PIAS4: variants seen among roughly 807,000 people sequenced by gnomAD.
PIAS4 encodes the protein E3 SUMO-protein ligase PIAS4.
Under a neutral mutation model 58.0 loss-of-function variants are expected in PIAS4, and 7 were observed. The observed-to-expected ratio is 0.12, with a 90% CI of 0.07 to 0.23. PIAS4 has a LOEUF of 0.23. PIAS4 is among the 10% of genes least tolerant of loss of function. The probability of loss-of-function intolerance (pLI) is 1.00; values close to 1 mark genes in which losing one functional copy is unlikely to be tolerated. For missense variants in PIAS4, 550 were observed against 709.5 expected (o/e 0.78, Z 2.55); for synonymous variants, 364 against 312.4 (o/e 1.17, Z -1.74).
intron 8 of PIAS4, 58 bp downstream of exon 8, chr19:4,033,231 G>A: frequency 6.5e-7 from 1 of 1,538,398 alleles, no homozygotes; most frequent in South Asian, 1.1e-5. Flanking sequence ...CTTCCCCCCT[G>A]GCGGCCCTGG....
chr19:4,036,682 CACATCCATATAGTCCACACCATCAT>C (rs2040296023), intron 9 of PIAS4, among the ~76,000 whole-genome samples: 1 of 150,846 alleles, frequency 6.6e-6, no homozygotes. Context: ...CACACCGTCA[CACATCCATATAGTCCACACCATCAT>C]ACACACACAC....
At chr19:4,016,922 G>A (rs865797437) in intron 2 of PIAS4, among the ~76,000 whole-genome samples, 3 of 152,156 alleles carry the variant, frequency 2.0e-5, no homozygotes, top group African/African-American at 7.2e-5. Flanking sequence ...TGCTTGCCCC[G>A]AGGGCTTCAG....
chr19:4,034,439 C>T (rs1387107808), intron 9 of PIAS4, among the ~76,000 whole-genome samples: 4 of 152,332 alleles, frequency 2.6e-5, no homozygotes, highest in Admixed American at 6.5e-5. Flanking sequence ...AGTTTACAGA[C>T]GAGGAAACAG....
intron 9 of PIAS4, among the ~76,000 whole-genome samples, chr19:4,033,854 T>G (rs2040249387): frequency 6.6e-6 from 1 of 152,172 alleles, no homozygotes; most frequent in Admixed American, 6.5e-5. Flanking sequence ...CAGGCAAGTG[T>G]GACCCTGAGC....
intron 5 of PIAS4, 59 bp from the exon 6 acceptor site, chr19:4,028,661 G>A: frequency 6.2e-7 from 1 of 1,604,542 alleles, no homozygotes; most frequent in South Asian, 1.1e-5. Context: ...GGGAGGGTGG[G>A]GGCCGTCGGA....
Position 4,038,010 on chromosome 19 carries a change from C to T in PIAS4, c.*135C>T. 2.4e-6 allele frequency: 2 copies of T among 834,058 alleles called. No individual in the cohort carries two copies. The highest frequency in any genetic ancestry group is 3.4e-5 in the South Asian group (2 of 58,890). The allele number at this position is 834,058 out of a possible 1,614,324, so 51.7% of individuals were successfully genotyped here. On this transcript the variant is annotated 3_prime_UTR_variant, in exon 11 of 11. Transcript: ENST00000262971. This position sits in a 1 kb window ranked among gnomAD's most constrained non-coding sequence, Gnocchi z 4.1. ...TTTGTTTTTCCACCCTTTTGCCTGG[C>T]TCCTGGCACCTGTACCTCTGGACTC...
chr19:4,033,340 GAT>G, intron 8 of PIAS4, 78 bp from the exon 9 acceptor site: 1 of 1,406,704 alleles, frequency 7.1e-7, no homozygotes, highest in South Asian at 1.3e-5. Flanking sequence ...CGAGCCACAG[GAT>G]GGAGCTGGGG....
chr19:4,009,825 G>C (rs2039976029), intron 1 of PIAS4, among the ~76,000 whole-genome samples: 3 of 152,182 alleles, frequency 2.0e-5, no homozygotes, highest in African/African-American at 7.2e-5. Flanking sequence ...GGGTTTGTTG[G>C]TGAACTTTGA....
intron 3 of PIAS4, among the ~76,000 whole-genome samples, chr19:4,026,544 C>T (rs374287216): frequency 1.4e-5 from 2 of 141,756 alleles, no homozygotes; most frequent in East Asian, 4.2e-4. Context: ...GCTCCCACCA[C>T]TGCCTAGTCT....
intron 9 of PIAS4, among the ~76,000 whole-genome samples, chr19:4,033,889 A>G (rs758793559): frequency 6.6e-6 from 1 of 152,120 alleles, no homozygotes; most frequent in Non-Finnish European, 1.5e-5. Flanking sequence ...TTGTGCCACA[A>G]AAAACTGAGC....
At chr19:4,034,638 C>T (rs1173561731) in intron 9 of PIAS4, among the ~76,000 whole-genome samples, 1 of 152,240 alleles carries the variant, frequency 6.6e-6, no homozygotes, top group Non-Finnish European at 1.5e-5. Context: ...GCTCTGTTCC[C>T]AGCCTGACAG....
intron 7 of PIAS4, among the ~76,000 whole-genome samples, chr19:4,032,146 C>T (rs1423249652): frequency 1.3e-5 from 2 of 151,964 alleles, no homozygotes. Flanking sequence ...AGTGGTGTTT[C>T]AGGCCAATAA....
chr19:4,023,982 C>T (rs1320615960), intron 2 of PIAS4, 54 bp from the exon 3 acceptor site: 7 of 1,244,984 alleles, frequency 5.6e-6, no homozygotes, highest in South Asian at 4.8e-5. Flanking sequence ...AGCGACTGGG[C>T]TCGGGGGACC....
intron 3 of PIAS4, among the ~76,000 whole-genome samples, chr19:4,025,084 T>A (rs1005674764): frequency 2.0e-5 from 3 of 152,202 alleles, no homozygotes; most frequent in Non-Finnish European, 4.4e-5. Context: ...TTTTTCCCAG[T>A]TATATAATGA....
At chr19:4,031,985 G>T (rs1223806672) in intron 7 of PIAS4, among the ~76,000 whole-genome samples, 1 of 152,204 alleles carries the variant, frequency 6.6e-6, no homozygotes, top group African/African-American at 2.4e-5. Context: ...GGCTGGGGCA[G>T]CCTTGGCTCA....
At chr19:4,028,345 C>A in intron 4 of PIAS4, 158 bp downstream of exon 4, 1 of 792,828 alleles carries the variant, frequency 1.3e-6, no homozygotes, top group Non-Finnish European at 2.1e-6. Context: ...GATACATCAC[C>A]ATCCGACCCC....
At chr19:4,008,363 G>A (rs1472282984) in intron 1 of PIAS4, among the ~76,000 whole-genome samples, 1 of 152,064 alleles carries the variant, frequency 6.6e-6, no homozygotes, top group African/African-American at 2.4e-5. Flanking sequence ...TCAGGGCCCT[G>A]AGACCACCCC....
intron 3 of PIAS4, among the ~76,000 whole-genome samples, chr19:4,024,762 GTTT>G (rs149421334): frequency 3.2e-4 from 48 of 149,818 alleles, no homozygotes; most frequent in African/African-American, 1.0e-3. Context: ...GTGTTTTTTT[GTTT>G]TTTTTTTTTG....
At chr19:4,024,323 C>G (rs1242351444) in intron 3 of PIAS4, among the ~76,000 whole-genome samples, 2 of 152,260 alleles carry the variant, frequency 1.3e-5, no homozygotes, top group Non-Finnish European at 2.9e-5. Flanking sequence ...GTGCCCACTG[C>G]CTGTGCCCTG....
Sources: gnomAD v4.1 joint callset for allele counts (sites outside exome capture counted in the v4.1 genomes callset) on GRCh38, gnomAD v4.1.1 for gene constraint, Gnocchi (gnomAD v3.1) non-coding constraint, MANE v1.5 for transcripts, NCBI Gene and HGNC (gene_info 2026-07-23, HGNC 2026-07-21) for gene names.